Variants in RPTOR observed in about 807,000 individuals in gnomAD.
RPTOR encodes regulatory-associated protein of mTOR.
A neutral mutation model predicts 169.9 loss-of-function variants in RPTOR; 21 were observed. The ratio of observed to expected loss-of-function variants is 0.12; its 90% CI spans 0.09 to 0.18. RPTOR has a LOEUF of 0.18. RPTOR is among the 10% of genes least tolerant of loss of function. The pLI, the probability that RPTOR is intolerant of heterozygous loss-of-function variation, is 1.00. For synonymous variants in RPTOR, 732 were observed against 753.2 expected (o/e 0.97, Z 0.46); for missense variants, 1,133 against 1,855.9 (o/e 0.61, Z 7.16).
At chr17:80,810,203 A>G (rs7211857) in intron 7 of RPTOR, among the ~76,000 whole-genome samples, 30,160 of 151,854 alleles carry the variant, frequency 0.2, 3,249 homozygotes, top group African/African-American at 0.29. Context: ...ATCTTTGCCA[A>G]CCCTCGGGTT....
At chr17:80,621,165 T>C (rs1333228450) in intron 1 of RPTOR, among the ~76,000 whole-genome samples, 1 of 152,144 alleles carries the variant, frequency 6.6e-6, no homozygotes. Flanking sequence ...TAGGTAGCAT[T>C]TGGTGAGTCA....
intron 3 of RPTOR, among the ~76,000 whole-genome samples, chr17:80,671,521 G>C (rs1210891308): frequency 6.6e-6 from 1 of 152,112 alleles, no homozygotes; most frequent in African/African-American, 2.4e-5. Flanking sequence ...TTTTTGTAAC[G>C]ATTTTCGACA....
intron 7 of RPTOR, among the ~76,000 whole-genome samples, chr17:80,819,176 C>T (rs1006538039): frequency 1.3e-5 from 2 of 152,188 alleles, no homozygotes; most frequent in Admixed American, 6.5e-5. Flanking sequence ...TCCCCAGCAT[C>T]ACCAGGGCCA....
At chr17:80,663,984 G>C (rs57527105) in intron 3 of RPTOR, among the ~76,000 whole-genome samples, 1 of 152,136 alleles carries the variant, frequency 6.6e-6, no homozygotes, top group Admixed American at 6.5e-5. Flanking sequence ...TGACAGCCGC[G>C]TGGGCATTTG....
rs1598224170 is a variant in RPTOR, at chr17:80,689,269, G to A, written c.349-18572G>A. 2.0e-5 allele frequency among the ~76,000 whole-genome samples: 3 copies of A among 152,328 alleles called. No individual in the cohort carries two copies. In the South Asian group the frequency reaches 6.2e-4, roughly 32 times the overall value. ...CCCTTGGCAACATTATTCCTAGAGA[G>A]GTTGCATCTGCATCTTGGAGTCCGC... is the stretch of plus-strand genomic sequence containing the variant. On this transcript the variant is annotated intron_variant, in intron 3 of 33. Coordinates refer to ENST00000306801, the MANE Select transcript of RPTOR (RefSeq NM_020761.3).
chr17:80,783,873 G>T (rs2066965533), intron 6 of RPTOR, among the ~76,000 whole-genome samples: 1 of 152,238 alleles, frequency 6.6e-6, no homozygotes, highest in African/African-American at 2.4e-5. Flanking sequence ...CGGCCTAGAA[G>T]CTCCTAAATA....
At chr17:80,711,730 AG>A (rs2066192543) in intron 4 of RPTOR, among the ~76,000 whole-genome samples, 1 of 101,266 alleles carries the variant, frequency 9.9e-6, no homozygotes, top group African/African-American at 5.8e-5. Context: ...GTTAACATAT[AG>A]TTATACATCA....
At chr17:80,624,634 C>T (rs1331647379) in intron 1 of RPTOR, among the ~76,000 whole-genome samples, 6 of 152,264 alleles carry the variant, frequency 3.9e-5, no homozygotes, top group Non-Finnish European at 1.5e-5. Context: ...CTGTGCACAC[C>T]TGTGAGTTTG....
intron 6 of RPTOR, among the ~76,000 whole-genome samples, chr17:80,768,064 A>C (rs546710239): frequency 2.0e-5 from 3 of 152,080 alleles, no homozygotes; most frequent in Admixed American, 6.6e-5. Context: ...GGGTTTCACC[A>C]TGTTAGCCAG....
intron 3 of RPTOR, among the ~76,000 whole-genome samples, chr17:80,665,791 C>T (rs2065774280): frequency 6.6e-6 from 1 of 152,134 alleles, no homozygotes; most frequent in African/African-American, 2.4e-5. Flanking sequence ...GTGATCCGCC[C>T]ACTTTGGCCT....
chr17:80,934,178 T>G (rs2068929269), intron 24 of RPTOR, among the ~76,000 whole-genome samples: 1 of 151,740 alleles, frequency 6.6e-6, no homozygotes, highest in Non-Finnish European at 1.5e-5. Flanking sequence ...TCAGATGGGG[T>G]CTCATTCTGT....
chr17:80,891,914 C>G (rs1244234401), intron 18 of RPTOR, 77 bp downstream of exon 18: 1 of 998,264 alleles, frequency 1.0e-6, no homozygotes, highest in Non-Finnish European at 1.5e-6. Flanking sequence ...CAGTCTTGCT[C>G]ACCCTCGCAG....
chr17:80,888,290 T>C (rs1182050343), intron 17 of RPTOR, among the ~76,000 whole-genome samples: 1 of 152,120 alleles, frequency 6.6e-6, no homozygotes, highest in Non-Finnish European at 1.5e-5. Flanking sequence ...AATTTTTGTA[T>C]TTTTTGTAGA....
intron 11 of RPTOR, among the ~76,000 whole-genome samples, chr17:80,852,155 G>A (rs978384672): frequency 1.3e-5 from 2 of 152,154 alleles, no homozygotes; most frequent in Non-Finnish European, 2.9e-5. Context: ...GGACACCTTG[G>A]TGCACACAGC....
chr17:80,696,307 G>A (rs1274336229), intron 3 of RPTOR, among the ~76,000 whole-genome samples: 1 of 152,160 alleles, frequency 6.6e-6, no homozygotes, highest in African/African-American at 2.4e-5. Context: ...CATTTAAAGA[G>A]CAAATAAAAT....
In RPTOR at chr17:80,730,574, C is replaced by T. The variant is rs757292465; in HGVS notation, c.522C>T (p.Tyr174=). ...GTGTTTTCTAGAACTACACGCAGTACATCCCTCTGTCCATATATGACCTGC... is the reference window on the plus strand; with the variant it reads ...GTGTTTTCTAGAACTACACGCAGTATATCCCTCTGTCCATATATGACCTGC... The part of the protein sequence containing the change: ...VWVFNKNYTQ[Y]IPLSIYDLQT... The change falls in exon 5 of 34, where the codon TAC becomes TAT. Residue 174 remains tyrosine (Y), a synonymous_variant. Coordinates refer to ENST00000306801, the MANE Select transcript of RPTOR (RefSeq NM_020761.3). The surrounding 1 kb of genome is among the most constrained non-coding windows in gnomAD (Gnocchi z 4.2). The T allele has an allele frequency of 1.6e-5, 26 of 1,614,064 alleles. No homozygotes were observed. The highest frequency in any genetic ancestry group is 2.0e-5 in the Non-Finnish European group (24 of 1,180,002).
intron 10 of RPTOR, among the ~76,000 whole-genome samples, chr17:80,838,493 C>A (rs900360719): frequency 6.6e-6 from 1 of 152,214 alleles, no homozygotes; most frequent in Non-Finnish European, 1.5e-5. Context: ...GTGAGGGTGG[C>A]CCCGGGCCTT....
At chr17:80,914,358 A>T (rs1178584798) in intron 21 of RPTOR, among the ~76,000 whole-genome samples, 2 of 151,354 alleles carry the variant, frequency 1.3e-5, no homozygotes, top group African/African-American at 4.9e-5. Context: ...GCAGGCAGGA[A>T]CCCCACCCTC....
rs2066339452 is a variant in RPTOR, at chr17:80,726,842, C to T, written c.508-3718C>T. On this transcript the variant is annotated intron_variant, in intron 4 of 33. Coordinates refer to ENST00000306801, the MANE Select transcript of RPTOR (RefSeq NM_020761.3). The surrounding 1 kb of genome is among the most constrained non-coding windows in gnomAD (Gnocchi z 4.5). ...CCAGGCTGCTGCCAAAATCCTTTCT[C>T]CTGTCAGCGTGGGGGGTGATCCTGC... 1.3e-5 allele frequency among the ~76,000 whole-genome samples: 2 copies of T among 152,186 alleles called. No individual in the cohort carries two copies. The highest frequency in any genetic ancestry group is 6.5e-5 in the Admixed American group (1 of 15,284).
Sources: allele counts gnomAD v4.1 joint callset (sites outside exome capture counted in the v4.1 genomes callset), GRCh38; gene constraint gnomAD v4.1.1; non-coding constraint Gnocchi (gnomAD v3.1); transcripts MANE v1.5; gene names NCBI Gene and HGNC (gene_info 2026-07-23, HGNC 2026-07-21).